The following DPYSL5 variants were observed in gnomAD, a reference collection of about 807,000 sequenced individuals.
The protein encoded by DPYSL5 is dihydropyrimidinase-related protein 5.
In DPYSL5, 9 loss-of-function variants were observed where a neutral mutation model predicts 58.4. The ratio of observed to expected loss-of-function variants is 0.15; its 90% confidence interval spans 0.09 to 0.27. The LOEUF is 0.27. Among genes scored for constraint, DPYSL5 ranks in the 10% least tolerant of loss-of-function variants. The pLI is 1.00. For synonymous variants in DPYSL5, 293 were observed against 301.9 expected, an observed-to-expected ratio of 0.97 and a Z score of 0.31; for missense variants, 499 against 770.6, an observed-to-expected ratio of 0.65 and a Z score of 4.17.
intron 2 of DPYSL5, among the ~76,000 whole-genome samples, chr2:26,923,874 C>T (rs1664762251): frequency 6.6e-6 from 1 of 152,188 alleles, no homozygotes; most frequent in Non-Finnish European, 1.5e-5. Flanking sequence ...TGGCCAGGCT[C>T]ATCTTGAACT....
chr2:26,941,909 C>T lies in DPYSL5; in HGVS notation c.1090-41C>T, dbSNP rs767298253. 1.9e-6 allele frequency: 3 copies of T among 1,612,972 alleles called. No individual in the cohort carries two copies. In the Admixed American group the frequency reaches 5.0e-5, roughly 27 times the overall value. The stretch of plus-strand genomic sequence containing the variant: ...GGTGACCAAGGGTTTGAGACCCACC[C>T]CCAGAGCCTGGTTGACTTGACACTT... On this transcript the variant is annotated intron_variant, in intron 9 of 12. Transcript: ENST00000288699.
At chr2:26,861,760 C>T (rs961229231) in intron 1 of DPYSL5, among the ~76,000 whole-genome samples, 1 of 152,206 alleles carries the variant, frequency 6.6e-6, no homozygotes, top group African/African-American at 2.4e-5. Flanking sequence ...TGATCTCTAA[C>T]TCCTGGTGTT....
rs924725623 is a variant in DPYSL5 at position 26,929,272 on chromosome 2, G to T, written c.669+949G>T. On this transcript the variant is annotated intron_variant, in intron 5 of 12. Coordinates refer to ENST00000288699, the MANE Select transcript of DPYSL5 (RefSeq NM_020134.4). The stretch of plus-strand genomic sequence containing the variant: ...TTTGAGATGGAGTCTCGCTCTTGTT[G>T]CCCAGGCTGTAGTGCAATGGCGCAA... Among the ~76,000 whole-genome samples the T allele has an allele frequency of 2.6e-5, 4 of 152,124 alleles. 1 individual carries two copies. In the South Asian group the frequency reaches 8.3e-4, roughly 32 times the overall value.
intron 5 of DPYSL5, among the ~76,000 whole-genome samples, chr2:26,931,145 AAAAAAAAAT>A (rs1439502669): frequency 3.3e-4 from 14 of 42,316 alleles, no homozygotes; most frequent in South Asian, 2.2e-3. Flanking sequence ...TCTAAAAAAA[AAAAAAAAAT>A]ATATATATAT....
At chr2:26,892,266 C>T (rs1663899805) in intron 1 of DPYSL5, among the ~76,000 whole-genome samples, 1 of 152,170 alleles carries the variant, frequency 6.6e-6, no homozygotes, top group Non-Finnish European at 1.5e-5. Context: ...TGTGTGAATG[C>T]ATGTAAAGTG....
rs143797598 is a variant in DPYSL5 at position 26,874,956 on chromosome 2, A to G, written c.-4-23540A>G. Among the ~76,000 whole-genome samples the G allele has an allele frequency of 4.8e-3, 737 of 152,384 alleles. 6 individuals carry two copies. Among genetic ancestry groups the G allele is most frequent in the African/African-American group, 0.017 (710 of 41,596 alleles). ...CATCTTAACAATATCTGTTCTTGCA[A>G]TCTAGAAACATGATATATTACATTT... On this transcript the variant is annotated intron_variant, in intron 1 of 12. Coordinates refer to ENST00000288699, the MANE Select transcript of DPYSL5 (RefSeq NM_020134.4).
At position 26,934,845 on chromosome 2, in the gene DPYSL5, T is replaced by C. The variant is rs1665130998; in HGVS notation, c.947+111T>C. Reference sequence around the variant, plus strand: ...GTTTGATTTCATTGTGCCCATAGGATCATTGTGCTTTTCTTACCTTCTCTG... The same window carrying C: ...GTTTGATTTCATTGTGCCCATAGGACCATTGTGCTTTTCTTACCTTCTCTG... On this transcript the variant is annotated intron_variant, in intron 8 of 12. Coordinates refer to ENST00000288699, the MANE Select transcript of DPYSL5 (RefSeq NM_020134.4). The surrounding 1 kb of genome is among the most constrained non-coding windows in gnomAD (Gnocchi z 4.3). 1 of 1,420,362 alleles carries C rather than the reference T, an allele frequency of 7.0e-7. No individual in the cohort carries two copies. The highest frequency in any genetic ancestry group is 1.3e-5 in the South Asian group (1 of 76,582). 88.0% of individuals were successfully genotyped at this position (1,420,362 alleles called of 1,614,324 possible).
At chr2:26,895,775 C>CTTTTTTTTTTTTTTTTTTTT (rs869030530) in intron 1 of DPYSL5, among the ~76,000 whole-genome samples, 4 of 101,086 alleles carry the variant, frequency 4.0e-5, no homozygotes, top group Admixed American at 1.1e-4. Flanking sequence ...ATTTCTTTTT[C>CTTTTTTTTTTTTTTTTTTTT]TTTTTTTTTT....
Position 26,898,848 on chromosome 2 carries a change from A to G in DPYSL5, c.261+88A>G. The G allele has an allele frequency of 6.8e-7, 1 of 1,478,478 alleles. No individual in the cohort carries two copies. Among genetic ancestry groups the G allele is most frequent in the African/African-American group, 1.4e-5 (1 of 71,388 alleles). 91.6% of individuals were successfully genotyped at this position (1,478,478 alleles called of 1,614,324 possible). On this transcript the variant is annotated intron_variant, in intron 2 of 12. Transcript: ENST00000288699. This position sits in a 1 kb window ranked among gnomAD's most constrained non-coding sequence, Gnocchi z 6.1. ...GCTCCAGACTAGACTCATGTGAGCC[A>G]GGTGCTCCCAGTGTATTGCTGGCAG...
rs747879920 is a variant in DPYSL5, at chr2:26,942,766, GA to G, written c.1440+18del. 1 of 1,611,666 alleles carries G rather than the reference GA, an allele frequency of 6.2e-7. No individual in the cohort carries two copies. Among genetic ancestry groups the G allele is most frequent in the East Asian group, 2.2e-5 (1 of 44,808 alleles). On this transcript the variant is annotated intron_variant, in intron 11 of 12. Coordinates refer to ENST00000288699, the MANE Select transcript of DPYSL5 (RefSeq NM_020134.4). The surrounding 1 kb of genome is among the most constrained non-coding windows in gnomAD (Gnocchi z 5.9). ...GAGAGAGAAGGTGAGGTGGGAGGAGGAAGATGCAGGGGTGTTGGCGCCCCCT... is the reference window on the plus strand; with the variant it reads ...GAGAGAGAAGGTGAGGTGGGAGGAGGAGATGCAGGGGTGTTGGCGCCCCCT...
intron 1 of DPYSL5, among the ~76,000 whole-genome samples, chr2:26,895,777 T>TTC (rs1205879207): frequency 7.5e-6 from 1 of 132,848 alleles, no homozygotes; most frequent in African/African-American, 2.9e-5. Flanking sequence ...TTCTTTTTCT[T>TTC]TTTTTTTTTT....
intron 5 of DPYSL5, among the ~76,000 whole-genome samples, chr2:26,930,441 G>T (rs1237050674): frequency 6.6e-6 from 1 of 152,198 alleles, no homozygotes; most frequent in African/African-American, 2.4e-5. Context: ...CCAACCTGGG[G>T]GGCAGGGCGG....
intron 11 of DPYSL5, among the ~76,000 whole-genome samples, chr2:26,943,855 T>C (rs1482013688): frequency 1.3e-5 from 2 of 152,230 alleles, no homozygotes; most frequent in Non-Finnish European, 2.9e-5. Flanking sequence ...AATTAGCTAG[T>C]ATTGCTACTG....
At chr2:26,903,222 A>G (rs149780860) in intron 2 of DPYSL5, among the ~76,000 whole-genome samples, 1 of 152,178 alleles carries the variant, frequency 6.6e-6, no homozygotes, top group Non-Finnish European at 1.5e-5. Context: ...GGTGCACACC[A>G]CCACATCTGG....
Position 26,932,122 on chromosome 2 carries a change from AG to A in DPYSL5, c.714+439del, listed in dbSNP as rs1229552719. On this transcript the variant is annotated intron_variant, in intron 6 of 12. Transcript: ENST00000288699. Reference sequence around the variant, plus strand: ...GAGAAAGAAAGAAAAGAAAAAAGAAAGAGAAAGAAAGAAAGAGAAAGAAAGA... The same window carrying A: ...GAGAAAGAAAGAAAAGAAAAAAGAAAAGAAAGAAAGAAAGAGAAAGAAAGA... Among the ~76,000 whole-genome samples, 151 of 144,314 alleles carry A rather than the reference AG, an allele frequency of 1.0e-3. 6 individuals carry two copies. The highest frequency in any genetic ancestry group is 3.2e-3 in the African/African-American group (116 of 36,770). 94.7% of individuals were successfully genotyped at this position (144,314 alleles called of 152,430 possible).
chr2:26,946,799 C>T (rs1425001447), intron 12 of DPYSL5, 111 bp from the exon 13 acceptor site: 2 of 727,342 alleles, frequency 2.7e-6, no homozygotes, highest in Admixed American at 2.3e-5. Context: ...GATGGAGTGG[C>T]TGTGAGGATT....
At chr2:26,865,990 C>CG (rs1016478759) in intron 1 of DPYSL5, among the ~76,000 whole-genome samples, 4 of 152,154 alleles carry the variant, frequency 2.6e-5, no homozygotes, top group African/African-American at 9.7e-5. Context: ...GAGGGGCACC[C>CG]GGTGGGTGTT....
At chr2:26,928,100 CCTT>C (rs1452900452) in intron 4 of DPYSL5, among the ~76,000 whole-genome samples, 152 bp from the exon 5 acceptor site, 1 of 152,180 alleles carries the variant, frequency 6.6e-6, no homozygotes, top group Non-Finnish European at 1.5e-5. Flanking sequence ...GCATGCTCTG[CCTT>C]CTTTAGAAGA....
At chr2:26,850,916 T>C (rs1030469964) in intron 1 of DPYSL5, among the ~76,000 whole-genome samples, 4 of 152,172 alleles carry the variant, frequency 2.6e-5, no homozygotes, top group Non-Finnish European at 4.4e-5. Flanking sequence ...ACATTGCTCA[T>C]TGGTTGTTTT....
Sources: allele counts gnomAD v4.1 joint callset (sites outside exome capture counted in the v4.1 genomes callset), GRCh38; gene constraint gnomAD v4.1.1; non-coding constraint Gnocchi (gnomAD v3.1); transcripts MANE v1.5; gene names NCBI Gene and HGNC (gene_info 2026-07-23, HGNC 2026-07-21).